EIF4G1: variants seen among roughly 807,000 people sequenced by gnomAD.
The protein encoded by EIF4G1 is EIF4-gamma.
Under a neutral mutation model 187.8 loss-of-function variants are expected in EIF4G1, and 4 were observed. The observed-to-expected ratio is 0.02, with a 90% CI of 0.01 to 0.05. The LOEUF (loss-of-function observed/expected upper bound fraction) is 0.05, where lower values mean the gene tolerates loss of function less well. EIF4G1 is among the 10% of genes least tolerant of loss of function. EIF4G1 has a pLI of 1.00. For missense variants in EIF4G1, 1,647 were observed against 2,081.1 expected (o/e 0.79, Z 4.06); for synonymous variants, 844 against 781.4 (o/e 1.08, Z -1.34).
chr3:184,315,153 CG>C (rs1722512626), intron 1 of EIF4G1: 1 of 344,618 alleles, frequency 2.9e-6, no homozygotes, highest in African/African-American at 2.2e-5. Context: ...GCCCGCCCTC[CG>C]GGCCGACCCT....
intron 31 of EIF4G1, 47 bp downstream of exon 31, chr3:184,331,856 C>G (rs1416838135): frequency 1.2e-6 from 2 of 1,613,866 alleles, no homozygotes; most frequent in Admixed American, 3.3e-5. Flanking sequence ...GCCTGACAGA[C>G]AAGTGGAGGG....
At position 184,321,709 on chromosome 3, in the gene EIF4G1, G is replaced by C; in HGVS notation, c.1125G>C (p.Glu375Asp). ...VPSEDLEPEV[E>D]SSPELAPPPA... is the part of the protein sequence containing the mutation. ...CTGAAGATCTGGAACCAGAGGTGGA[G>C]TCAAGCCCAGAGCTTGCTCCTCCCC... Residue 375 changes from glutamate (E) to aspartate (D), a missense_variant, in exon 10 of 33, where the codon GAG becomes GAC. Glu to Asp is a conservative substitution (Grantham distance 45). Transcript: ENST00000346169. The C allele has an allele frequency of 6.3e-7, 1 of 1,592,966 alleles. No homozygotes were observed. Among genetic ancestry groups the C allele is most frequent in the African/African-American group, 1.3e-5 (1 of 74,542 alleles).
intron 4 of EIF4G1, chr3:184,316,865 G>A (rs1722888122): frequency 2.1e-6 from 2 of 958,406 alleles, no homozygotes; most frequent in South Asian, 2.8e-5. Flanking sequence ...CTCAGTTGGA[G>A]GCCGAGTGAT....
intron 4 of EIF4G1, chr3:184,316,586 T>C (rs560007065): frequency 8.5e-6 from 8 of 936,796 alleles, no homozygotes; most frequent in East Asian, 7.4e-5. Flanking sequence ...GTCCTTGCCT[T>C]TCTCTGTTCC....
chr3:184,318,519 A>C (rs1723180899), intron 6 of EIF4G1, among the ~76,000 whole-genome samples: 1 of 152,204 alleles, frequency 6.6e-6, no homozygotes, highest in South Asian at 2.1e-4. Flanking sequence ...TGGGAGGCCA[A>C]GACAGGCGGA....
chr3:184,316,332 T>G (rs947886910), intron 4 of EIF4G1, 114 bp downstream of exon 4: 4 of 1,336,880 alleles, frequency 3.0e-6, no homozygotes, highest in African/African-American at 1.5e-5. Context: ...TAATCCTCTG[T>G]GTTCTTTCAT....
intron 4 of EIF4G1, among the ~76,000 whole-genome samples, chr3:184,316,495 C>T (rs1445995559): frequency 6.6e-6 from 1 of 152,170 alleles, no homozygotes; most frequent in Non-Finnish European, 1.5e-5. Context: ...TTCCTATTTG[C>T]TCCTTTTACC....
At chr3:184,328,501 A>G in intron 26 of EIF4G1, 130 bp from the exon 27 acceptor site, 1 of 1,336,900 alleles carries the variant, frequency 7.5e-7, no homozygotes, top group South Asian at 1.2e-5. Context: ...CCTTAGCTTG[A>G]AATAATTGTC....
chr3:184,317,207 C>T, intron 4 of EIF4G1, 114 bp from the exon 5 acceptor site: 1 of 1,267,072 alleles, frequency 7.9e-7, no homozygotes, highest in African/African-American at 1.5e-5. Flanking sequence ...GATTGGTCGC[C>T]ATGTTCTGAA....
chr3:184,332,741 T>G (rs1445569636), intron 32 of EIF4G1, among the ~76,000 whole-genome samples: 2 of 151,922 alleles, frequency 1.3e-5, no homozygotes, highest in Non-Finnish European at 2.9e-5. Context: ...CTATGTGTGT[T>G]CTTTCTACCT....
At position 184,331,798 on chromosome 3, in the gene EIF4G1, C is replaced by G. The variant is rs759685710; in HGVS notation, c.4466C>G (p.Ser1489Cys). Residue 1489 changes from serine to cysteine, a missense_variant, in exon 31 of 33, where the codon TCT becomes TGT. Coordinates refer to ENST00000346169, the MANE Select transcript of EIF4G1 (RefSeq NM_198241.3). ...VRALMTAVCY[S>C]AIIFETPLRV... ...GCCCTCATGACGGCTGTCTGCTATT[C>G]TGCAATTATTTGTAAGAGGAACCAG... 1.2e-6 allele frequency: 2 copies of G among 1,614,038 alleles called. No homozygotes were observed. The highest frequency in any genetic ancestry group is 2.7e-5 in the African/African-American group (2 of 74,894).
At chr3:184,315,645 C>T (rs1367871558) in intron 2 of EIF4G1, 100 bp downstream of exon 2, 1 of 801,714 alleles carries the variant, frequency 1.2e-6, no homozygotes, top group Non-Finnish European at 2.2e-6. Context: ...TCTGCTTCAC[C>T]CTCTTGGCAT....
chr3:184,315,407 T>A (rs753784522), intron 1 of EIF4G1, 82 bp from the exon 2 acceptor site: 30 of 536,294 alleles, frequency 5.6e-5, no homozygotes, highest in Non-Finnish European at 1.1e-4. Context: ...GGGAGCCTGG[T>A]GCCAGCGAGA....
At chr3:184,332,255 A>G (rs1474704354) in intron 32 of EIF4G1, 169 bp downstream of exon 32, 1 of 939,296 alleles carries the variant, frequency 1.1e-6, no homozygotes, top group Non-Finnish European at 1.6e-6. Flanking sequence ...TGTTGTTCCT[A>G]CAAGTGGAAG....
rs1168140244 is a variant in EIF4G1 at position 184,319,426 on chromosome 3, G to GGTGT, written c.425-226_425-223dup. 6.6e-3 allele frequency among the ~76,000 whole-genome samples: 743 copies of GGTGT among 112,950 alleles called. 2 individuals are homozygous for GGTGT. The highest frequency in any genetic ancestry group is 0.01 in the South Asian group (36 of 3,450). 74.1% of individuals were successfully genotyped at this position (112,950 alleles called of 152,430 possible). ...TAGGAAAGAGTGCCTGCCTACGAGG[G>GGTGT]GTGTGTGTGTGTGTGTGTGTGTGTG... On this transcript the variant is annotated intron_variant, in intron 6 of 32. Transcript: ENST00000346169.
chr3:184,323,016 T>G lies in EIF4G1; in HGVS notation c.1929+62T>G, dbSNP rs1724180217. On this transcript the variant is annotated intron_variant, in intron 13 of 32. Transcript: ENST00000346169. This position sits in a 1 kb window ranked among gnomAD's most constrained non-coding sequence, Gnocchi z 6.9. ...GTGCTGGATGGATTGGGGAGGAGCC[T>G]GAGGTCCTGAAAGAGTAGTCAACCG... 1.2e-6 allele frequency: 2 copies of G among 1,614,156 alleles called. No individual in the cohort carries two copies. The highest frequency in any genetic ancestry group is 2.7e-5 in the African/African-American group (2 of 75,024).
chr3:184,320,149 G>T (rs1577199040), intron 7 of EIF4G1: 1 of 452,356 alleles, frequency 2.2e-6, no homozygotes, highest in Admixed American at 4.1e-5. Context: ...AGTCCTGGAA[G>T]CTCTCAAGGC....
intron 2 of EIF4G1, 71 bp from the exon 3 acceptor site, chr3:184,315,692 A>G (rs1210259122): frequency 4.2e-6 from 5 of 1,188,374 alleles, no homozygotes; most frequent in East Asian, 5.1e-5. Context: ...CCTTGCATCA[A>G]CCCTTTCACC....
Position 184,323,559 on chromosome 3 carries a change from G to C in EIF4G1, c.2240G>C (p.Arg747Pro). The C allele has an allele frequency of 6.2e-7, 1 of 1,614,152 alleles. No individual in the cohort carries two copies. The highest frequency in any genetic ancestry group is 8.5e-7 in the Non-Finnish European group (1 of 1,180,042). The change falls in exon 15 of 33, where the codon CGA becomes CCA. Residue 747 changes from arginine (R) to proline (P), a missense_variant. By Grantham distance (103) the Arg-to-Pro change is moderately radical. Around this residue, in one of 11 missense-constraint regions of EIF4G1, gnomAD observed 140 missense variants for 222.2 expected, o/e 0.63. Transcript: ENST00000346169. This position sits in a 1 kb window ranked among gnomAD's most constrained non-coding sequence, Gnocchi z 6.9. ...AAGCGGACGGCGGCTGATAAGGATC[G>C]AGGGGAAGAAGATGCTGATGGCAGC... ...SSKRTAADKD[R>P]GEEDADGSKT...
Sources: gnomAD v4.1 joint callset for allele counts (sites outside exome capture counted in the v4.1 genomes callset) on GRCh38, gnomAD v4.1.1 for gene constraint, gnomAD v4.1.1 regional missense constraint, Gnocchi (gnomAD v3.1) non-coding constraint, MANE v1.5 for transcripts, NCBI Gene and HGNC (gene_info 2026-07-23, HGNC 2026-07-21) for gene names.